Variants in CLASP1 observed in about 807,000 individuals in gnomAD.
CLASP1 encodes cytoplasmic linker associated protein 1.
CLASP1 carries 38 observed loss-of-function variants against 192.3 expected under a neutral mutation model. The ratio of observed to expected loss-of-function variants is 0.20; its 90% confidence interval spans 0.15 to 0.26. The LOEUF (loss-of-function observed/expected upper bound fraction) is 0.26, where lower values mean the gene tolerates loss of function less well. Ranked by LOEUF, CLASP1 falls within the 10% of genes least tolerant of loss-of-function variation. The pLI is 1.00. For synonymous variants in CLASP1, 691 were observed against 712.8 expected (o/e 0.97, Z 0.49); for missense variants, 1,433 against 1,932.5 (o/e 0.74, Z 4.85).
chr2:121,412,905 G>T (rs2077958356), intron 23 of CLASP1, among the ~76,000 whole-genome samples: 1 of 152,166 alleles, frequency 6.6e-6, no homozygotes, highest in Non-Finnish European at 1.5e-5. Context: ...TCCAAGAGAT[G>T]AATACCTATG....
intron 23 of CLASP1, among the ~76,000 whole-genome samples, chr2:121,414,952 G>GTTT (rs58462620): frequency 6.6e-6 from 1 of 150,868 alleles, no homozygotes; most frequent in Non-Finnish European, 1.5e-5. Context: ...ATTCGGCTTT[G>GTTT]TTTTTTTTTG....
intron 8 of CLASP1, among the ~76,000 whole-genome samples, chr2:121,494,315 G>C (rs927548948): frequency 1.3e-5 from 2 of 152,190 alleles, no homozygotes; most frequent in Admixed American, 1.3e-4. Flanking sequence ...GATGGAACTG[G>C]AGGAAATTAT....
chr2:121,430,349 A>G (rs530065022), intron 19 of CLASP1, among the ~76,000 whole-genome samples, 172 bp from the exon 20 acceptor site: 11 of 152,414 alleles, frequency 7.2e-5, no homozygotes, highest in African/African-American at 2.6e-4. Flanking sequence ...CTGTGTGTGC[A>G]TGCGCACATG....
At chr2:121,509,181 A>G (rs2094035422) in intron 7 of CLASP1, among the ~76,000 whole-genome samples, 1 of 152,080 alleles carries the variant, frequency 6.6e-6, no homozygotes, top group Non-Finnish European at 1.5e-5. Flanking sequence ...TAGAATACAG[A>G]TTCTTCTTTT....
At position 121,355,949 on chromosome 2, in the gene CLASP1, ATAGTGTC is replaced by A. The variant is rs144552209; in HGVS notation, c.4206+7216_4206+7222del. 2.6e-5 allele frequency among the ~76,000 whole-genome samples: 4 copies of A among 152,364 alleles called. No homozygotes were observed. The East Asian group carries it at 7.7e-4, about 29-fold the overall frequency. Reference sequence around the variant, plus strand: ...TTCACCTTTCAAAGTCAGTGAAGTAATAGTGTCTAGCTAAGAAAAGCGTAATTTTCAC... The same window carrying A: ...TTCACCTTTCAAAGTCAGTGAAGTAATAGCTAAGAAAAGCGTAATTTTCAC... On this transcript the variant is annotated intron_variant, in intron 37 of 39. Transcript: ENST00000263710.
chr2:121,382,662 A>C (rs1476616201), intron 32 of CLASP1, among the ~76,000 whole-genome samples: 1 of 152,214 alleles, frequency 6.6e-6, no homozygotes, highest in Admixed American at 6.5e-5. Context: ...ACTGGGAAGG[A>C]CATAACACAA....
chr2:121,439,322 T>C (rs866663001), intron 19 of CLASP1, among the ~76,000 whole-genome samples: 153 of 152,344 alleles, frequency 1.0e-3, no homozygotes, highest in Middle Eastern at 6.8e-3. Flanking sequence ...TGTGTGTCTA[T>C]TTCCTTCAGT....
chr2:121,580,652 T>C (rs1287556943), intron 2 of CLASP1, among the ~76,000 whole-genome samples: 3 of 152,262 alleles, frequency 2.0e-5, no homozygotes, highest in South Asian at 2.1e-4. Flanking sequence ...TGGATAAACA[T>C]GTAAATATTT....
At chr2:121,395,851 G>C (rs1241114579) in intron 30 of CLASP1, among the ~76,000 whole-genome samples, 1 of 152,198 alleles carries the variant, frequency 6.6e-6, no homozygotes, top group African/African-American at 2.4e-5. Flanking sequence ...AGGGAACAGA[G>C]AGGCCAAGCC....
intron 35 of CLASP1, among the ~76,000 whole-genome samples, 157 bp from the exon 37 acceptor site, chr2:121,365,441 C>A (rs972510160): frequency 6.6e-6 from 1 of 152,200 alleles, no homozygotes; most frequent in Non-Finnish European, 1.5e-5. Flanking sequence ...GCTTCGCTGT[C>A]CGGCCTCAGC....
intron 18 of CLASP1, among the ~76,000 whole-genome samples, 162 bp from the exon 19 acceptor site, chr2:121,447,669 G>A (rs1002973514): frequency 1.3e-5 from 2 of 152,214 alleles, no homozygotes; most frequent in African/African-American, 4.8e-5. Context: ...TCCCTGAAGA[G>A]AGTTCAGGCA....
At chr2:121,621,445 G>A (rs1035795284) in intron 1 of CLASP1, among the ~76,000 whole-genome samples, 3 of 152,024 alleles carry the variant, frequency 2.0e-5, no homozygotes, top group Non-Finnish European at 4.4e-5. Context: ...GAGTTTTATT[G>A]TTTCAGATCT....
intron 26 of CLASP1, chr2:121,402,580 G>C: frequency 1.9e-6 from 1 of 517,984 alleles, no homozygotes; most frequent in Non-Finnish European, 3.9e-6. Flanking sequence ...ACTAAACTGA[G>C]ACCTCCAAAC....
chr2:121,454,205 A>AT (rs931767391), intron 14 of CLASP1, among the ~76,000 whole-genome samples: 2 of 126,716 alleles, frequency 1.6e-5, no homozygotes, highest in Admixed American at 1.9e-4. Flanking sequence ...TGTGATGGTT[A>AT]TTTAGAGATG....
intron 35 of CLASP1, 54 bp downstream of exon 36, chr2:121,367,534 G>A: frequency 1.9e-6 from 3 of 1,608,334 alleles, no homozygotes; most frequent in Non-Finnish European, 2.6e-6. Context: ...CAGACGGGAG[G>A]GAGCACAAGG....
chr2:121,379,704 G>A (rs753989407), intron 33 of CLASP1, among the ~76,000 whole-genome samples: 2 of 152,190 alleles, frequency 1.3e-5, no homozygotes, highest in South Asian at 4.1e-4. Flanking sequence ...CTGGGGGAAC[G>A]TTCAAGTTTT....
intron 9 of CLASP1, among the ~76,000 whole-genome samples, chr2:121,463,253 C>T (rs796788682): frequency 3.9e-5 from 6 of 152,176 alleles, no homozygotes; most frequent in African/African-American, 1.4e-4. Context: ...AGATTTTTTT[C>T]ACATTGTAAA....
At chr2:121,639,263 C>T (rs748600805) in intron 1 of CLASP1, among the ~76,000 whole-genome samples, 14 of 151,466 alleles carry the variant, frequency 9.2e-5, no homozygotes, top group Admixed American at 1.3e-4. Flanking sequence ...GGCGACAGAG[C>T]GAGACTCTGT....
Position 121,636,338 on chromosome 2 carries a change from A to AAATAATAATAATAAT in CLASP1, c.-286+13019_-286+13033dup, listed in dbSNP as rs58688393. ...GTGACAGAGTGAGACTCCATTTCAAAAATAATAATAATAATAATAATAATA... is the reference window on the plus strand; with the variant it reads ...GTGACAGAGTGAGACTCCATTTCAAAAATAATAATAATAATAATAATAATAATAATAATAATAATA... On this transcript the variant is annotated intron_variant, in intron 1 of 39. Coordinates refer to ENST00000263710, the Ensembl canonical transcript of CLASP1. 1.8e-3 allele frequency among the ~76,000 whole-genome samples: 251 copies of AAATAATAATAATAAT among 138,160 alleles called. 1 individual carries two copies. The highest frequency in any genetic ancestry group is 6.5e-3 in the African/African-American group (232 of 35,960). The allele number at this position is 138,160 out of a possible 152,430, so 90.6% of individuals were successfully genotyped here.
Sources: gnomAD v4.1 joint callset for allele counts (sites outside exome capture counted in the v4.1 genomes callset) on GRCh38, gnomAD v4.1.1 for gene constraint, MANE v1.5 for transcripts, NCBI Gene and HGNC (gene_info 2026-07-23, HGNC 2026-07-21) for gene names.